ARHGAP15: variants seen among roughly 807,000 people sequenced by gnomAD.
ARHGAP15 encodes rho GTPase-activating protein 15.
Under a neutral mutation model 63.7 loss-of-function variants are expected in ARHGAP15, and 51 were observed. That is an observed-to-expected ratio of 0.80 (90% CI 0.64 to 1.01). ARHGAP15 has a LOEUF of 1.01. Among genes scored for constraint, ARHGAP15 ranks in the 50% least tolerant of loss-of-function variants. The probability of loss-of-function intolerance (pLI) is 0.00; values close to 1 mark genes in which losing one functional copy is unlikely to be tolerated. For missense variants in ARHGAP15, 560 were observed against 564.6 expected, an observed-to-expected ratio of 0.99 and a Z score of 0.08; for synonymous variants, 191 against 193.8, an observed-to-expected ratio of 0.99 and a Z score of 0.12.
intron 3 of ARHGAP15, among the ~76,000 whole-genome samples, chr2:143,212,472 G>T (rs1692599835): frequency 6.6e-6 from 1 of 152,220 alleles, no homozygotes; most frequent in South Asian, 2.1e-4. Flanking sequence ...AGCATCTAAA[G>T]ATTGGTTGAC....
At chr2:143,546,433 T>G (rs1331271129) in intron 10 of ARHGAP15, among the ~76,000 whole-genome samples, 3 of 152,112 alleles carry the variant, frequency 2.0e-5, no homozygotes, top group Non-Finnish European at 2.9e-5. Context: ...CTTTAATTTA[T>G]GAAATAGTCT....
chr2:143,625,280 C>T (rs1037731262), intron 12 of ARHGAP15, among the ~76,000 whole-genome samples: 2 of 152,180 alleles, frequency 1.3e-5, no homozygotes, highest in East Asian at 1.9e-4. Flanking sequence ...CCCATTAGCA[C>T]AAGTGGAGAT....
chr2:143,262,107 G>A (rs1197915972), intron 6 of ARHGAP15, among the ~76,000 whole-genome samples: 1 of 152,126 alleles, frequency 6.6e-6, no homozygotes, highest in East Asian at 1.9e-4. Context: ...CGCGTGCTGA[G>A]GCAAGATGCA....
At position 143,392,776 on chromosome 2, in the gene ARHGAP15, G is replaced by A. The variant is rs544355556; in HGVS notation, c.475-42825G>A. On this transcript the variant is annotated intron_variant, in intron 6 of 13. Coordinates refer to ENST00000295095, the MANE Select transcript of ARHGAP15 (RefSeq NM_018460.4). Reference sequence around the variant, plus strand: ...AGAAAAAATTCTGTACAGTACATATGTCTCTAATGATATAATCTTGACCTT... The same window carrying A: ...AGAAAAAATTCTGTACAGTACATATATCTCTAATGATATAATCTTGACCTT... Among the ~76,000 whole-genome samples the A allele has an allele frequency of 4.0e-4, 61 of 152,230 alleles. No individual in the cohort carries two copies. In the South Asian group the frequency reaches 7.9e-3, roughly 20 times the overall value.
chr2:143,508,558 A>G (rs1693426703), intron 9 of ARHGAP15, among the ~76,000 whole-genome samples: 1 of 152,224 alleles, frequency 6.6e-6, no homozygotes, highest in East Asian at 1.9e-4. Context: ...AAAAATGCAT[A>G]AAGGATTTAC....
chr2:143,229,342 G>A (rs1050384989), intron 5 of ARHGAP15, among the ~76,000 whole-genome samples: 1 of 152,178 alleles, frequency 6.6e-6, no homozygotes, highest in Non-Finnish European at 1.5e-5. Context: ...ATCTAATGGA[G>A]CTAATACAAT....
chr2:143,467,878 A>T (rs996460792), intron 8 of ARHGAP15, among the ~76,000 whole-genome samples: 8 of 152,138 alleles, frequency 5.3e-5, no homozygotes, highest in Admixed American at 3.3e-4. Flanking sequence ...GTACTATATA[A>T]TCATTGTTTC....
intron 9 of ARHGAP15, among the ~76,000 whole-genome samples, chr2:143,518,680 G>A (rs1221410886): frequency 1.3e-5 from 2 of 152,162 alleles, no homozygotes; most frequent in East Asian, 1.9e-4. Flanking sequence ...AGCTGAGATA[G>A]GAAGGAGTTA....
At chr2:143,519,080 G>T in intron 9 of ARHGAP15, 186 bp from the exon 10 acceptor site, 1 of 463,326 alleles carries the variant, frequency 2.2e-6, no homozygotes, top group South Asian at 2.2e-5. Context: ...TGGGGCGAGG[G>T]TCCTGTTCCA....
chr2:143,389,134 A>T lies in ARHGAP15; in HGVS notation c.475-46467A>T, dbSNP rs150551392. Among the ~76,000 whole-genome samples the T allele has an allele frequency of 4.3e-3, 602 of 138,562 alleles. 1 individual carries two copies. Among genetic ancestry groups the T allele is most frequent in the East Asian group, 7.9e-3 (40 of 5,068 alleles). The allele number at this position is 138,562 out of a possible 152,430, so 90.9% of individuals were successfully genotyped here. A position where few individuals can be genotyped will look rare whatever the true frequency, so the allele number is the denominator to read the frequency against. On this transcript the variant is annotated intron_variant, in intron 6 of 13. Coordinates refer to ENST00000295095, the MANE Select transcript of ARHGAP15 (RefSeq NM_018460.4). ...TATTATTATTATTATTATTATTATT[A>T]TTTTTTATTATTATTATTTTACAAA...
intron 1 of ARHGAP15, among the ~76,000 whole-genome samples, chr2:143,145,645 G>A (rs1468271222): frequency 6.6e-6 from 1 of 151,936 alleles, no homozygotes; most frequent in African/African-American, 2.4e-5. Context: ...TGTATCCCCA[G>A]TTGCCAATAT....
rs540560724 is a variant in ARHGAP15 at position 143,563,088 on chromosome 2, C to T, written c.1003+6603C>T. Among the ~76,000 whole-genome samples the T allele has an allele frequency of 3.9e-5, 6 of 152,252 alleles. No homozygotes were observed. The East Asian group carries it at 7.7e-4, about 20-fold the overall frequency. On this transcript the variant is annotated intron_variant, in intron 11 of 13. Transcript: ENST00000295095. ...AAGCACCAGATAAATGTTGAAGGAT[C>T]GACCTCTTTATCTTGATTCTGAACT...
intron 12 of ARHGAP15, among the ~76,000 whole-genome samples, chr2:143,676,973 G>T (rs999203857): frequency 6.6e-6 from 1 of 152,232 alleles, no homozygotes; most frequent in Admixed American, 6.5e-5. Context: ...TAATTAAATT[G>T]TATATTTAAG....
At chr2:143,560,345 A>C (rs1342301120) in intron 11 of ARHGAP15, among the ~76,000 whole-genome samples, 1 of 152,224 alleles carries the variant, frequency 6.6e-6, no homozygotes, top group Non-Finnish European at 1.5e-5. Context: ...CACTTTATTT[A>C]CATAATTTAA....
intron 12 of ARHGAP15, among the ~76,000 whole-genome samples, chr2:143,655,284 T>TC (rs1413410781): frequency 6.6e-6 from 1 of 151,768 alleles, no homozygotes; most frequent in East Asian, 1.9e-4. Flanking sequence ...TCCCCCCAAG[T>TC]CCCCAAAGTC....
chr2:143,301,710 CAT>C (rs1217444161), intron 6 of ARHGAP15, among the ~76,000 whole-genome samples: 2 of 151,788 alleles, frequency 1.3e-5, no homozygotes, highest in African/African-American at 2.4e-5. Flanking sequence ...GTATATAACA[CAT>C]CTTTCCATAT....
chr2:143,601,027 T>C (rs898655346), intron 11 of ARHGAP15, among the ~76,000 whole-genome samples: 7 of 152,298 alleles, frequency 4.6e-5, no homozygotes, highest in African/African-American at 1.7e-4. Flanking sequence ...CATGGTTTGC[T>C]AATCTCTGTC....
At chr2:143,444,366 T>A (rs957515219) in intron 8 of ARHGAP15, among the ~76,000 whole-genome samples, 6 of 152,224 alleles carry the variant, frequency 3.9e-5, no homozygotes, top group African/African-American at 1.4e-4. Context: ...AAAATGGGCG[T>A]ATATTAATGT....
intron 9 of ARHGAP15, among the ~76,000 whole-genome samples, chr2:143,492,418 A>G (rs1432532062): frequency 6.6e-6 from 1 of 151,990 alleles, no homozygotes; most frequent in Non-Finnish European, 1.5e-5. Flanking sequence ...ATTTTACTTT[A>G]CTTGTTTTTA....
Sources: gnomAD v4.1 joint callset for allele counts (sites outside exome capture counted in the v4.1 genomes callset) on GRCh38, gnomAD v4.1.1 for gene constraint, MANE v1.5 for transcripts, NCBI Gene and HGNC (gene_info 2026-07-23, HGNC 2026-07-21) for gene names.